The following XPNPEP3 variants were observed in gnomAD, a reference collection of about 807,000 sequenced individuals.
The protein encoded by XPNPEP3 is X-prolyl aminopeptidase 3.
In XPNPEP3, 41 loss-of-function variants were observed where a neutral mutation model predicts 60.0. The ratio of observed to expected loss-of-function variants is 0.68; its 90% CI spans 0.53 to 0.89. The LOEUF is 0.89. XPNPEP3 is among the 40% of genes least tolerant of loss of function. XPNPEP3 has a pLI of 0.00. For synonymous variants in XPNPEP3, 212 were observed against 223.2 expected, an observed-to-expected ratio of 0.95 and a Z score of 0.45; for missense variants, 598 against 638.9, an observed-to-expected ratio of 0.94 and a Z score of 0.69.
At chr22:40,873,622 A>G (rs1251574895) in intron 2 of XPNPEP3, among the ~76,000 whole-genome samples, 1 of 151,748 alleles carries the variant, frequency 6.6e-6, no homozygotes, top group Non-Finnish European at 1.5e-5. Context: ...GCAAAAAAGT[A>G]AGCAAAATTA....
chr22:40,860,950 T>C (rs1296125271), intron 1 of XPNPEP3: 1 of 1,022,560 alleles, frequency 9.8e-7, no homozygotes, highest in Non-Finnish European at 1.4e-6. Flanking sequence ...ATGTCCACAA[T>C]CCTGCTAAAA....
At chr22:40,921,449 C>G (rs1251308973) in intron 7 of XPNPEP3, among the ~76,000 whole-genome samples, 3 of 149,476 alleles carry the variant, frequency 2.0e-5, no homozygotes. Flanking sequence ...CTGAAGAGTT[C>G]CAGACCAACC....
intron 7 of XPNPEP3, among the ~76,000 whole-genome samples, chr22:40,916,939 G>A (rs1014981037): frequency 4.6e-5 from 7 of 151,994 alleles, no homozygotes; most frequent in East Asian, 1.9e-4. Flanking sequence ...TTAGCCAGGC[G>A]TGGTGGCACA....
At position 40,894,658 on chromosome 22, in the gene XPNPEP3, G is replaced by A. The variant is rs530360472; in HGVS notation, c.792+8143G>A. ...ACTGGTATATGTCATTGTTCAGTGC[G>A]TCACTGGCTGGCTTGAGTTCCTCCA... On this transcript the variant is annotated intron_variant, in intron 4 of 9. Transcript: ENST00000357137. Among the ~76,000 whole-genome samples the A allele has an allele frequency of 6.6e-5, 10 of 152,166 alleles. 1 individual carries two copies. Among genetic ancestry groups the A allele is most frequent in the Admixed American group, 2.0e-4 (3 of 15,256 alleles).
At chr22:40,893,037 C>A (rs905303256) in intron 4 of XPNPEP3, among the ~76,000 whole-genome samples, 1 of 149,538 alleles carries the variant, frequency 6.7e-6, no homozygotes, top group South Asian at 2.1e-4. Context: ...GATTATTATC[C>A]ATTGATTTTC....
At chr22:40,884,099 C>A (rs929860750) in intron 3 of XPNPEP3, among the ~76,000 whole-genome samples, 3 of 152,016 alleles carry the variant, frequency 2.0e-5, no homozygotes, top group African/African-American at 4.8e-5. Context: ...TGATTAAATT[C>A]TTTTTATTTA....
chr22:40,926,226 T>TA (rs1239420156), intron 9 of XPNPEP3, 43 bp from the exon 10 acceptor site: 8 of 1,612,728 alleles, frequency 5.0e-6, no homozygotes, highest in Non-Finnish European at 6.8e-6. Context: ...ACCACCCAGT[T>TA]ACTATCATTC....
chr22:40,857,275 A>C (rs774551114), intron 1 of XPNPEP3, 30 bp downstream of exon 1: 5 of 1,613,218 alleles, frequency 3.1e-6, no homozygotes, highest in Admixed American at 1.7e-5. Context: ...GTCTCCTCCC[A>C]TGGTGTCCCC....
intron 3 of XPNPEP3, among the ~76,000 whole-genome samples, chr22:40,885,959 G>A (rs2058066886): frequency 6.6e-6 from 1 of 152,110 alleles, no homozygotes; most frequent in East Asian, 1.9e-4. Flanking sequence ...TCCAGCCTGG[G>A]CAACAGAGCA....
At chr22:40,907,237 C>T in intron 4 of XPNPEP3, 1 of 450,504 alleles carries the variant, frequency 2.2e-6, no homozygotes, top group South Asian at 1.6e-5. Context: ...CTGGCTAACA[C>T]AGTGAAACCC....
intron 2 of XPNPEP3, among the ~76,000 whole-genome samples, chr22:40,875,134 T>C (rs575700712): frequency 1.3e-5 from 2 of 152,272 alleles, no homozygotes; most frequent in Admixed American, 6.5e-5. Flanking sequence ...AGTAATATAT[T>C]TTATTTTCTC....
rs774626392 is a variant in XPNPEP3 at position 40,881,942 on chromosome 22, C to T, written c.354C>T (p.Asp118=). The change falls in exon 3 of 10, where the codon GAC becomes GAT. Residue 118 remains aspartate, a synonymous_variant. Transcript: ENST00000357137. The part of the protein sequence containing the change: ...SNDIPYTFHQ[D]NNFLYLCGFQ... ...ATATTCCCTATACTTTCCACCAAGA[C>T]AACAATTTCCTGTACCTATGTGGAT... 2 of 1,614,036 alleles carry T rather than the reference C, an allele frequency of 1.2e-6. No individual in the cohort carries two copies.
Position 40,924,435 on chromosome 22 carries a change from C to T in XPNPEP3, c.1310C>T (p.Pro437Leu), listed in dbSNP as rs772917522. 1 of 1,614,126 alleles carries T rather than the reference C, an allele frequency of 6.2e-7. No homozygotes were observed. Among genetic ancestry groups the T allele is most frequent in the Non-Finnish European group, 8.5e-7 (1 of 1,180,034 alleles). The change falls in exon 9 of 10, where the codon CCC (proline) becomes CTC (leucine). Residue 437 changes from proline (P) to leucine (L), a missense_variant. By Grantham distance (98) the Pro-to-Leu change is moderately conservative (BLOSUM62 -3). Transcript: ENST00000357137. Reference sequence around the variant, plus strand: ...GATGTCCATGACACTCCAGACATGCCCCGTTCCCTCCCTCTGCAGCCTGGG... The same window carrying T: ...GATGTCCATGACACTCCAGACATGCTCCGTTCCCTCCCTCTGCAGCCTGGG... ...GMDVHDTPDM[P>L]RSLPLQPGMV...
intron 4 of XPNPEP3, among the ~76,000 whole-genome samples, chr22:40,902,840 G>A (rs776725896): frequency 2.0e-5 from 3 of 150,918 alleles, no homozygotes; most frequent in Non-Finnish European, 2.9e-5. Context: ...CTGTCTCACA[G>A]CAAGGAGTCT....
At chr22:40,900,545 G>A (rs866754858) in intron 4 of XPNPEP3, among the ~76,000 whole-genome samples, 33 of 152,208 alleles carry the variant, frequency 2.2e-4, no homozygotes, top group Middle Eastern at 6.8e-3. Context: ...GGTGGAGGTT[G>A]TCATGAACCG....
intron 3 of XPNPEP3, 50 bp downstream of exon 3, chr22:40,882,227 C>G: frequency 6.2e-7 from 1 of 1,602,918 alleles, no homozygotes; most frequent in Non-Finnish European, 8.5e-7. Flanking sequence ...GGGATTAAAA[C>G]CTTTCTTGCC....
chr22:40,858,796 C>T (rs1373201692), intron 1 of XPNPEP3, among the ~76,000 whole-genome samples: 1 of 152,034 alleles, frequency 6.6e-6, no homozygotes. Context: ...TCCCAAAGTG[C>T]TGGGATTACA....
chr22:40,888,932 C>T (rs2058079002), intron 4 of XPNPEP3, among the ~76,000 whole-genome samples: 1 of 152,062 alleles, frequency 6.6e-6, no homozygotes, highest in Non-Finnish European at 1.5e-5. Context: ...TGGTATCTTA[C>T]TGTGGTTTGG....
At chr22:40,915,420 C>G (rs533320126) in intron 7 of XPNPEP3, among the ~76,000 whole-genome samples, 262 of 151,586 alleles carry the variant, frequency 1.7e-3, no homozygotes, top group Non-Finnish European at 3.0e-3. Flanking sequence ...ACTAAAAATA[C>G]AAAAATTAGC....
Sources: gnomAD v4.1 joint callset for allele counts (sites outside exome capture counted in the v4.1 genomes callset) on GRCh38, gnomAD v4.1.1 for gene constraint, MANE v1.5 for transcripts, NCBI Gene and HGNC (gene_info 2026-07-23, HGNC 2026-07-21) for gene names.